The following SORT1 variants were observed in gnomAD, a reference collection of about 807,000 sequenced individuals.
The protein encoded by SORT1 is sortilin.
In SORT1, 39 loss-of-function variants were observed where a neutral mutation model predicts 101.7. The observed-to-expected ratio is 0.38, with a 90% confidence interval of 0.30 to 0.50. The LOEUF (loss-of-function observed/expected upper bound fraction) is 0.50, where lower values mean the gene tolerates loss of function less well. SORT1 is among the 20% of genes least tolerant of loss of function. The probability of loss-of-function intolerance (pLI) is 0.90; values close to 1 mark genes in which losing one functional copy is unlikely to be tolerated. For missense variants in SORT1, 878 were observed against 1,040.4 expected (o/e 0.84, Z 2.15); for synonymous variants, 396 against 393.7 (o/e 1.01, Z -0.07).
chr1:109,326,449 A>G (rs1244553329), intron 13 of SORT1, among the ~76,000 whole-genome samples: 16 of 26,902 alleles, frequency 5.9e-4, no homozygotes, highest in Admixed American at 1.7e-3. Context: ...ATATATATAT[A>G]TATATATATA....
chr1:109,389,947 A>G (rs1476907080), intron 1 of SORT1: 2 of 152,392 alleles, frequency 1.3e-5, no homozygotes, highest in African/African-American at 4.8e-5. Context: ...TCCTTTTGCC[A>G]AACTCACTAC....
chr1:109,364,538 TAAGTA>T (rs149001911), intron 3 of SORT1, among the ~76,000 whole-genome samples: 3,447 of 152,238 alleles, frequency 0.023, 136 homozygotes, highest in African/African-American at 0.079. Context: ...GAACAATGAT[TAAGTA>T]AATTATGTCA....
At chr1:109,347,218 T>G (rs1284706872) in intron 7 of SORT1, among the ~76,000 whole-genome samples, 2 of 152,258 alleles carry the variant, frequency 1.3e-5, no homozygotes, top group African/African-American at 4.8e-5. Context: ...AATTTGCTAT[T>G]GTCTGTAGCA....
chr1:109,388,626 A>G (rs1179411670), intron 1 of SORT1, among the ~76,000 whole-genome samples: 1 of 152,250 alleles, frequency 6.6e-6, no homozygotes, highest in Non-Finnish European at 1.5e-5. Flanking sequence ...AAAAAAATTA[A>G]GCACATGTAC....
At chr1:109,367,203 G>C in intron 3 of SORT1, 1 of 423,000 alleles carries the variant, frequency 2.4e-6, no homozygotes, top group South Asian at 4.1e-5. Flanking sequence ...CTCCAGCCTG[G>C]GTGACAAGAG....
At chr1:109,339,023 G>GTCC (rs977746686) in intron 10 of SORT1, among the ~76,000 whole-genome samples, 1 of 152,046 alleles carries the variant, frequency 6.6e-6, no homozygotes, top group African/African-American at 2.4e-5. Flanking sequence ...GACTACAGGT[G>GTCC]TCCACCACCA....
chr1:109,367,368 T>C (rs1254367821), intron 3 of SORT1, 40 bp downstream of exon 3: 2 of 1,135,442 alleles, frequency 1.8e-6, no homozygotes, highest in Non-Finnish European at 2.6e-6. Context: ...ATTCTCAATG[T>C]TACTTAGTGA....
chr1:109,321,142 ATAT>A (rs1647600758), intron 15 of SORT1, among the ~76,000 whole-genome samples: 1 of 152,170 alleles, frequency 6.6e-6, no homozygotes, highest in South Asian at 2.1e-4. Context: ...CATGATTACT[ATAT>A]TATTATCGAA....
Position 109,309,642 on chromosome 1 carries a change from T to C in SORT1, c.*4401A>G, listed in dbSNP as rs1298212025. ...TTCCAAATATACAGAAAATTACCAG[T>C]ACAAAGTTAAACACATTCAGATTTA... On this transcript the variant is annotated 3_prime_UTR_variant, in exon 20 of 20. Transcript: ENST00000256637. 6.6e-6 allele frequency: 1 copy of C among 152,234 alleles called. No individual in the cohort carries two copies. Among genetic ancestry groups the C allele is most frequent in the Non-Finnish European group, 1.5e-5 (1 of 68,040 alleles). The allele number at this position is 152,234 out of a possible 1,614,324, so 9.4% of individuals were successfully genotyped here.
At chr1:109,393,348 T>A in intron 1 of SORT1, 1 of 982,138 alleles carries the variant, frequency 1.0e-6, no homozygotes, top group Non-Finnish European at 1.2e-6. Context: ...GCTTTATTCA[T>A]CATAAGTTTA....
At chr1:109,333,054 A>C (rs1004725120) in intron 11 of SORT1, among the ~76,000 whole-genome samples, 5 of 152,114 alleles carry the variant, frequency 3.3e-5, no homozygotes, top group South Asian at 4.1e-4. Context: ...CAGTCTCCCA[A>C]GTAGCTGGGA....
At chr1:109,324,004 G>T (rs1647815312) in intron 14 of SORT1, among the ~76,000 whole-genome samples, 2 of 152,224 alleles carry the variant, frequency 1.3e-5, no homozygotes, top group African/African-American at 4.8e-5. Flanking sequence ...ACACGCTGAG[G>T]AAATGAGCCC....
At chr1:109,354,267 A>T in intron 5 of SORT1, 100 bp downstream of exon 5, 3 of 849,222 alleles carry the variant, frequency 3.5e-6, no homozygotes, top group South Asian at 4.5e-5. Context: ...GACTTGAAAG[A>T]AGTCCAATAT....
In SORT1 at chr1:109,340,769, C is replaced by T. The variant is rs200994282; in HGVS notation, c.1219G>A (p.Val407Met). 227 of 1,614,000 alleles carry T rather than the reference C, an allele frequency of 1.4e-4. No individual in the cohort carries two copies. The highest frequency in any genetic ancestry group is 1.7e-4 in the Non-Finnish European group (199 of 1,180,020). Residue 407 changes from valine to methionine, a missense_variant, in exon 10 of 20, where the codon GTG becomes ATG. By Grantham distance (21) the Val-to-Met change is conservative. This residue lies in a region of SORT1 where 684 missense variants were observed against 894.5 expected (regional missense o/e 0.76). Transcript: ENST00000256637. ...TTGGETDFTN[V>M]TSLRGVYITS... ...ATGTAGACGCCGCGGAGGGAGGTCA[C>T]GTTGGTAAAGTCCGTCTCTCCGCCT... is the stretch of plus-strand genomic sequence containing the variant.
At chr1:109,342,544 G>A (rs1431478575) in intron 8 of SORT1, among the ~76,000 whole-genome samples, 1 of 152,152 alleles carries the variant, frequency 6.6e-6, no homozygotes, top group African/African-American at 2.4e-5. Context: ...GATGACTACT[G>A]CATAAAAGTT....
chr1:109,327,002 T>G lies in SORT1; in HGVS notation c.1633A>C (p.Asn545His). Residue 545 changes from asparagine to histidine, a missense_variant, in exon 13 of 20, where the codon AAT (asparagine) becomes CAT (histidine). Asn to His is a moderately conservative substitution (Grantham distance 68). Transcript: ENST00000256637. ...VAIEHSSRPI[N>H]VIKFSTDEGQ... ...TGAGTTCATGCATACTTAATCACATTGATAGGACGGCTGCTGTGCTCAATG... is the reference window on the plus strand; with the variant it reads ...TGAGTTCATGCATACTTAATCACATGGATAGGACGGCTGCTGTGCTCAATG... 2 of 1,611,504 alleles carry G rather than the reference T, an allele frequency of 1.2e-6. No individual in the cohort carries two copies. Among genetic ancestry groups the G allele is most frequent in the East Asian group, 4.5e-5 (2 of 44,860 alleles).
chr1:109,366,029 T>C (rs1030701315), intron 3 of SORT1, among the ~76,000 whole-genome samples: 1 of 152,214 alleles, frequency 6.6e-6, no homozygotes, highest in Non-Finnish European at 1.5e-5. Context: ...GGGTAGTTTC[T>C]ATATCATCTG....
In SORT1 at chr1:109,397,650, GC is replaced by G; in HGVS notation, c.242del (p.Gly81AlafsTer45). ...RGGRWRRSAPGEDEECGRVRD... is the reference protein window; with the variant it reads ...RGGRWRRSAPXEDEECGRVRD... ...GGACCCGGCCGCACTCCTCGTCCTC[GC>G]CCGGCGCGCTGCGACGCCAACGGCC... On this transcript the variant is annotated frameshift_variant, in exon 1 of 20. Transcript: ENST00000256637. LOFTEE classifies it high-confidence loss of function. 8.1e-7 allele frequency: 1 copy of G among 1,236,486 alleles called. No homozygotes were observed. The highest frequency in any genetic ancestry group is 1.0e-6 in the Non-Finnish European group (1 of 982,048). 76.6% of individuals were successfully genotyped at this position (1,236,486 alleles called of 1,614,324 possible).
intron 1 of SORT1, among the ~76,000 whole-genome samples, chr1:109,382,296 T>A (rs139630540): frequency 0.045 from 6,906 of 152,188 alleles, 190 homozygotes; most frequent in Non-Finnish European, 0.062. Flanking sequence ...CCACCATGCC[T>A]GGCTAATTTT....
Sources: allele counts gnomAD v4.1 joint callset (sites outside exome capture counted in the v4.1 genomes callset), GRCh38; gene constraint gnomAD v4.1.1; regional missense constraint gnomAD v4.1.1; transcripts MANE v1.5; gene names NCBI Gene and HGNC (gene_info 2026-07-23, HGNC 2026-07-21).